The following BBS7 variants were observed in gnomAD, a reference collection of about 807,000 sequenced individuals.
BBS7 encodes Bardet-Biedl syndrome 7, also known as BBSome complex member BBS7.
A neutral mutation model predicts 90.3 loss-of-function variants in BBS7; 50 were observed. That is an observed-to-expected ratio of 0.55 (90% confidence interval 0.44 to 0.70). The LOEUF (loss-of-function observed/expected upper bound fraction) is 0.70. Ranked by LOEUF, BBS7 falls within the 30% of genes least tolerant of loss-of-function variation. The pLI is 0.00. For missense variants in BBS7, 729 were observed against 838.9 expected (o/e 0.87, Z 1.62); for synonymous variants, 235 against 287.4 (o/e 0.82, Z 1.85).
intron 4 of BBS7, 65 bp from the exon 5 acceptor site, chr4:121,859,243 A>G (rs1726849402): frequency 7.2e-7 from 1 of 1,394,958 alleles, no homozygotes; most frequent in Non-Finnish European, 1.0e-6. Context: ...TCAGAGATAA[A>G]AACAGAAAAA....
At chr4:121,857,201 G>A (rs982523996) in intron 5 of BBS7, among the ~76,000 whole-genome samples, 2 of 147,662 alleles carry the variant, frequency 1.4e-5, no homozygotes, top group African/African-American at 2.5e-5. Context: ...ATAGCTTACC[G>A]CAGCCTCGAC....
chr4:121,864,522 CATGTT>C (rs1378130417), intron 2 of BBS7, among the ~76,000 whole-genome samples: 1 of 152,130 alleles, frequency 6.6e-6, no homozygotes, highest in African/African-American at 2.4e-5. Context: ...TTCATAAAGA[CATGTT>C]ATGTAAACAT....
intron 18 of BBS7, chr4:121,827,864 T>C: frequency 9.3e-7 from 1 of 1,073,170 alleles, no homozygotes; most frequent in South Asian, 3.3e-5. Flanking sequence ...TACATTCATT[T>C]TATACCAGGT....
chr4:121,845,017 A>C (rs919497319), intron 11 of BBS7, among the ~76,000 whole-genome samples: 1 of 152,238 alleles, frequency 6.6e-6, no homozygotes, highest in African/African-American at 2.4e-5. Context: ...TATAATTCAA[A>C]TAATCTGTGA....
chr4:121,862,188 A>C lies in BBS7; in HGVS notation c.166-509T>G, dbSNP rs370362711. On this transcript the variant is annotated intron_variant, in intron 3 of 18. Transcript: ENST00000264499. ...TCCTGGCTTCTTTACAATTTTTATAAATTTTAATAGTTAAAGGACTATAGA... is the reference window on the plus strand; with the variant it reads ...TCCTGGCTTCTTTACAATTTTTATACATTTTAATAGTTAAAGGACTATAGA... Among the ~76,000 whole-genome samples the C allele has an allele frequency of 4.3e-4, 66 of 152,314 alleles. 1 individual carries two copies. Among genetic ancestry groups the C allele is most frequent in the South Asian group, 2.9e-3 (14 of 4,824 alleles).
At position 121,863,256 on chromosome 4, in the gene BBS7, C is replaced by T. The variant is rs765056334; in HGVS notation, c.126G>A (p.Gly42=). 6.2e-7 allele frequency: 1 copy of T among 1,613,732 alleles called. No individual in the cohort carries two copies. The highest frequency in any genetic ancestry group is 8.5e-7 in the Non-Finnish European group (1 of 1,179,772). Residue 42 remains glycine (G), a synonymous_variant, in exon 3 of 19, where the codon GGG becomes GGA. Coordinates refer to ENST00000264499, the MANE Select transcript of BBS7 (RefSeq NM_176824.3). ...TCTTCATGCCAAAGCACATAACTAC[C>T]CCATCATGATCTCCAATAACCACCT... ...TQKVVIGDHD[G]VVMCFGMKKG... is the part of the protein sequence containing the mutation.
At chr4:121,855,851 C>T (rs970006252) in intron 5 of BBS7, among the ~76,000 whole-genome samples, 4 of 131,386 alleles carry the variant, frequency 3.0e-5, no homozygotes, top group African/African-American at 8.0e-5. Flanking sequence ...TACATATATG[C>T]ACATGTATGT....
chr4:121,845,805 G>A, intron 10 of BBS7, 109 bp from the exon 11 acceptor site: 1 of 1,026,600 alleles, frequency 9.7e-7, no homozygotes, highest in Non-Finnish European at 1.4e-6. Context: ...GGTTTTTATT[G>A]GTTGAGTTAA....
intron 5 of BBS7, 116 bp from the exon 6 acceptor site, chr4:121,855,677 G>T: frequency 1.0e-6 from 1 of 989,672 alleles, no homozygotes; most frequent in East Asian, 2.5e-5. Context: ...GAATAAAATT[G>T]CTTTAAAAAT....
intron 13 of BBS7, among the ~76,000 whole-genome samples, chr4:121,838,482 A>G (rs1451278785): frequency 1.3e-5 from 2 of 152,074 alleles, no homozygotes; most frequent in Non-Finnish European, 2.9e-5. Context: ...AATAACTAAA[A>G]CAGATTTGTG....
chr4:121,849,101 A>T (rs1167367971), intron 8 of BBS7, among the ~76,000 whole-genome samples, 173 bp from the exon 9 acceptor site: 1 of 152,232 alleles, frequency 6.6e-6, no homozygotes, highest in African/African-American at 2.4e-5. Flanking sequence ...ATGGCAGGAA[A>T]CTTCAGTGTT....
In BBS7 at chr4:121,868,020, CAT is replaced by C; in HGVS notation, c.61_62del (p.Met21GlufsTer20). On this transcript the variant is annotated frameshift_variant, in exon 2 of 19. Transcript: ENST00000264499. LOFTEE classifies it high-confidence loss of function. ...TGTGTCTTGAGGCAGGAATTAGCTT[CAT>C]AGTCTTCTGAGATGTTACTCCCACC... ...LQVGVTSQKTMKLIPASRHRA... is the reference protein window; with the variant it reads ...LQVGVTSQKTXKLIPASRHRA... 3 of 1,613,612 alleles carry C rather than the reference CAT, an allele frequency of 1.9e-6. No individual in the cohort carries two copies. The highest frequency in any genetic ancestry group is 2.5e-6 in the Non-Finnish European group (3 of 1,179,698).
Position 121,825,858 on chromosome 4 carries a change from T to G in BBS7, c.*2A>C, listed in dbSNP as rs746139675. 1 of 1,612,906 alleles carries G rather than the reference T, an allele frequency of 6.2e-7. No homozygotes were observed. Among genetic ancestry groups the G allele is most frequent in the Non-Finnish European group, 8.5e-7 (1 of 1,179,532 alleles). ...TCTTTGGGACTTTACCTTATTTGTA[T>G]GTCATGCTGCATCGAAGAATGAAAT... On this transcript the variant is annotated 3_prime_UTR_variant, in exon 19 of 19. Transcript: ENST00000264499.
intron 5 of BBS7, among the ~76,000 whole-genome samples, chr4:121,857,371 G>A (rs542679430): frequency 1.1e-4 from 17 of 151,930 alleles, no homozygotes; most frequent in Middle Eastern, 6.8e-3. Context: ...CTCCAACCTC[G>A]GCCTCCCAAA....
chr4:121,859,715 C>T (rs779745134), intron 4 of BBS7, among the ~76,000 whole-genome samples: 2 of 151,830 alleles, frequency 1.3e-5, no homozygotes, highest in Non-Finnish European at 2.9e-5. Flanking sequence ...CACTAAATTG[C>T]CTGAAAAAGT....
At position 121,825,470 on chromosome 4, in the gene BBS7, A is replaced by T. The variant is rs1231365546; in HGVS notation, c.*390T>A. The T allele has an allele frequency of 1.3e-5, 2 of 156,438 alleles. No individual in the cohort carries two copies. Among genetic ancestry groups the T allele is most frequent in the Non-Finnish European group, 2.8e-5 (2 of 70,930 alleles). 9.7% of individuals were successfully genotyped at this position (156,438 alleles called of 1,614,324 possible). A position where few individuals can be genotyped will look rare whatever the true frequency, so the allele number is the denominator to read the frequency against. ...TTACAACAGTTGTGAAGATCAAATA[A>T]GGTAATATATAAAAATACATTTTGA... is the stretch of plus-strand genomic sequence containing the variant. On this transcript the variant is annotated 3_prime_UTR_variant, in exon 19 of 19. Coordinates refer to ENST00000264499, the MANE Select transcript of BBS7 (RefSeq NM_176824.3).
intron 11 of BBS7, among the ~76,000 whole-genome samples, chr4:121,844,729 A>G (rs112371128): frequency 6.6e-6 from 1 of 152,152 alleles, no homozygotes; most frequent in South Asian, 2.1e-4. Flanking sequence ...ATGGAGTCAT[A>G]TATTATTATC....
chr4:121,853,837 C>T (rs973366701), intron 7 of BBS7, among the ~76,000 whole-genome samples: 2 of 152,070 alleles, frequency 1.3e-5, no homozygotes, highest in Non-Finnish European at 1.5e-5. Context: ...TTTTCCAAGG[C>T]TTACACAATT....
chr4:121,866,422 C>T (rs1050446754), intron 2 of BBS7, among the ~76,000 whole-genome samples: 1 of 151,990 alleles, frequency 6.6e-6, no homozygotes. Context: ...GCCACAATGA[C>T]AAGCTAATTT....
Sources: gnomAD v4.1 joint callset for allele counts (sites outside exome capture counted in the v4.1 genomes callset) on GRCh38, gnomAD v4.1.1 for gene constraint, MANE v1.5 for transcripts, NCBI Gene and HGNC (gene_info 2026-07-23, HGNC 2026-07-21) for gene names.